The following TCERG1L variants were observed in gnomAD, a reference collection of about 807,000 sequenced individuals.
TCERG1L encodes transcription elongation regulator 1-like protein.
In TCERG1L, 37 loss-of-function variants were observed where a neutral mutation model predicts 56.3. The observed-to-expected ratio is 0.66, with a 90% CI of 0.51 to 0.87. TCERG1L has a LOEUF of 0.87. Among genes scored for constraint, TCERG1L ranks in the 40% least tolerant of loss-of-function variants. The pLI is 0.00. For missense variants in TCERG1L, 799 were observed against 774.2 expected (o/e 1.03, Z -0.38); for synonymous variants, 324 against 326.3 (o/e 0.99, Z 0.08).
chr10:131,169,408 TC>T (rs1337291804), intron 4 of TCERG1L, among the ~76,000 whole-genome samples: 2 of 152,066 alleles, frequency 1.3e-5, no homozygotes, highest in Admixed American at 6.6e-5. Flanking sequence ...AGCCCACCGT[TC>T]CCCTGCCCTC....
At chr10:131,295,088 A>C in intron 3 of TCERG1L, among the ~76,000 whole-genome samples, 1 of 152,144 alleles carries the variant, frequency 6.6e-6, no homozygotes, top group East Asian at 1.9e-4. Context: ...ATATGACATA[A>C]ATGATCCTGA....
intron 4 of TCERG1L, among the ~76,000 whole-genome samples, chr10:131,184,207 C>T (rs977057263): frequency 5.9e-5 from 9 of 152,226 alleles, no homozygotes; most frequent in African/African-American, 1.9e-4. Flanking sequence ...TTTCAAAAAA[C>T]GTGGCCCATA....
chr10:131,192,448 A>G (rs917011822), intron 4 of TCERG1L, among the ~76,000 whole-genome samples: 5 of 144,436 alleles, frequency 3.5e-5, no homozygotes, highest in Non-Finnish European at 6.1e-5. Context: ...TGGAAACAGT[A>G]TGGAGATTCC....
chr10:131,263,827 T>C (rs1846257331), intron 3 of TCERG1L, among the ~76,000 whole-genome samples: 2 of 152,262 alleles, frequency 1.3e-5, no homozygotes, highest in South Asian at 4.1e-4. Flanking sequence ...GGATCTCTGT[T>C]TGCATGCTGC....
At position 131,289,625 on chromosome 10, in the gene TCERG1L, G is replaced by T. The variant is rs1846589140; in HGVS notation, c.670+18586C>A. On this transcript the variant is annotated intron_variant, in intron 3 of 11. Transcript: ENST00000368642. ...TGTATGTGTGCACCGCTGTGTGTGA[G>T]GTGTGCACTGCCTCCATCTCCTATC... Among the ~76,000 whole-genome samples, 2 of 55,816 alleles carry T rather than the reference G, an allele frequency of 3.6e-5. 1 individual carries two copies. The highest frequency in any genetic ancestry group is 9.5e-5 in the African/African-American group (2 of 20,992). 36.6% of individuals were successfully genotyped at this position (55,816 alleles called of 152,430 possible).
At chr10:131,154,724 G>C (rs1845901007) in intron 6 of TCERG1L, among the ~76,000 whole-genome samples, 1 of 152,172 alleles carries the variant, frequency 6.6e-6, no homozygotes, top group African/African-American at 2.4e-5. Context: ...CTTCCCTCTT[G>C]AGTAGGTTCT....
chr10:131,119,290 G>A (rs143863835), intron 8 of TCERG1L, among the ~76,000 whole-genome samples: 55 of 152,238 alleles, frequency 3.6e-4, no homozygotes, highest in South Asian at 1.0e-3. Context: ...TAATCCCAAC[G>A]AATACAAAAT....
intron 3 of TCERG1L, among the ~76,000 whole-genome samples, chr10:131,302,239 T>C (rs1278768424): frequency 1.3e-5 from 2 of 152,046 alleles, no homozygotes; most frequent in Non-Finnish European, 2.9e-5. Flanking sequence ...TTCTTTTAAG[T>C]AGTGCCTCCA....
At chr10:131,111,473 C>T (rs1175601104) in intron 9 of TCERG1L, among the ~76,000 whole-genome samples, 1 of 143,272 alleles carries the variant, frequency 7.0e-6, no homozygotes, top group Non-Finnish European at 1.6e-5. Context: ...TATTTATTTA[C>T]TTTTACTTCC....
At chr10:131,286,079 G>C (rs912996364) in intron 3 of TCERG1L, among the ~76,000 whole-genome samples, 1 of 152,038 alleles carries the variant, frequency 6.6e-6, no homozygotes, top group Non-Finnish European at 1.5e-5. Context: ...GCACAAGAAC[G>C]GAAAAGAAGA....
intron 6 of TCERG1L, among the ~76,000 whole-genome samples, chr10:131,159,417 CT>C (rs1845955027): frequency 6.6e-6 from 1 of 152,196 alleles, no homozygotes. Context: ...CTGAGACCCC[CT>C]GTGGTCTTCT....
intron 3 of TCERG1L, among the ~76,000 whole-genome samples, chr10:131,285,661 C>T (rs898823476): frequency 6.6e-6 from 1 of 152,086 alleles, no homozygotes; most frequent in African/African-American, 2.4e-5. Flanking sequence ...ATAAGTGCAG[C>T]ATTGTGTATA....
At chr10:131,255,872 TAA>T (rs1218520707) in intron 4 of TCERG1L, among the ~76,000 whole-genome samples, 8 of 152,190 alleles carry the variant, frequency 5.3e-5, no homozygotes, top group Admixed American at 4.6e-4. Context: ...CTTATACAAC[TAA>T]ATGTAATAAT....
At chr10:131,211,619 G>A (rs1365729396) in intron 4 of TCERG1L, among the ~76,000 whole-genome samples, 1 of 152,204 alleles carries the variant, frequency 6.6e-6, no homozygotes, top group East Asian at 1.9e-4. Flanking sequence ...AAATGTCATA[G>A]GCAGCTCCTT....
At chr10:131,262,799 T>C (rs1846247586) in intron 3 of TCERG1L, among the ~76,000 whole-genome samples, 1 of 152,150 alleles carries the variant, frequency 6.6e-6, no homozygotes, top group African/African-American at 2.4e-5. Context: ...TTCACAGCCC[T>C]AAAACTCCCC....
chr10:131,249,340 G>A (rs967819354), intron 4 of TCERG1L, among the ~76,000 whole-genome samples: 21 of 152,206 alleles, frequency 1.4e-4, no homozygotes, highest in African/African-American at 5.1e-4. Flanking sequence ...CCAGCATAGG[G>A]GCTTCCATGG....
chr10:131,175,804 TGGA>T (rs758495820), intron 4 of TCERG1L, among the ~76,000 whole-genome samples: 8 of 151,910 alleles, frequency 5.3e-5, no homozygotes, highest in South Asian at 2.1e-4. Context: ...GATGGCTAGA[TGGA>T]GGAGGAGGAG....
In TCERG1L at chr10:131,134,513, G is replaced by A. The variant is rs1466239820; in HGVS notation, c.1190-65C>T. ...GCTCAGGGCTTTGGCAAAACCACCA[G>A]GTGACACTCACTTTCAAGTAGACTT... On this transcript the variant is annotated intron_variant, in intron 7 of 11. Transcript: ENST00000368642. 1.3e-5 allele frequency: 16 copies of A among 1,260,654 alleles called. No individual in the cohort carries two copies. The East Asian group carries it at 4.0e-4, about 32-fold the overall frequency. 78.1% of individuals were successfully genotyped at this position (1,260,654 alleles called of 1,614,324 possible).
Position 131,182,137 on chromosome 10 carries a change from G to A in TCERG1L, c.857-15252C>T, listed in dbSNP as rs114148132. On this transcript the variant is annotated intron_variant, in intron 4 of 11. Transcript: ENST00000368642. ...GTGTGTGTGCACACAGGACGTGTGTGTATGAGCATGTGTGTGCATGTGTAT... is the reference window on the plus strand; with the variant it reads ...GTGTGTGTGCACACAGGACGTGTGTATATGAGCATGTGTGTGCATGTGTAT... Among the ~76,000 whole-genome samples, 408 of 152,346 alleles carry A rather than the reference G, an allele frequency of 2.7e-3. 1 individual carries two copies. The highest frequency in any genetic ancestry group is 0.014 in the Middle Eastern group (4 of 294).
Sources: allele counts gnomAD v4.1 joint callset (sites outside exome capture counted in the v4.1 genomes callset), GRCh38; gene constraint gnomAD v4.1.1; transcripts MANE v1.5; gene names NCBI Gene and HGNC (gene_info 2026-07-23, HGNC 2026-07-21).